MCF2: variants seen among roughly 807,000 people sequenced by gnomAD.
The protein encoded by MCF2 is proto-oncogene DBL.
Under a neutral mutation model 82.5 loss-of-function variants are expected in MCF2, and 44 were observed. The ratio of observed to expected loss-of-function variants is 0.53; its 90% CI spans 0.42 to 0.69. The LOEUF is 0.69. Ranked by LOEUF, MCF2 falls within the 30% of genes least tolerant of loss-of-function variation. The pLI is 0.00. For synonymous variants in MCF2, 217 were observed against 224.9 expected (o/e 0.96, Z 0.32); for missense variants, 623 against 663.1 (o/e 0.94, Z 0.66).
intron 1 of MCF2, among the ~76,000 whole-genome samples, chrX:139,661,032 G>C (rs1355006753): frequency 8.9e-6 from 1 of 111,881 alleles, no homozygotes; most frequent in African/African-American, 3.2e-5. Flanking sequence ...ATGGAGAGAG[G>C]AGAAATGATT....
intron 1 of MCF2, among the ~76,000 whole-genome samples, chrX:139,657,563 T>C (rs1427310930): frequency 8.9e-6 from 1 of 112,516 alleles, no homozygotes; most frequent in African/African-American, 3.2e-5. Flanking sequence ...TGCCAGATTC[T>C]GCTCTAAGCT....
chrX:139,693,107 G>A lies in MCF2; in HGVS notation c.-45+14999C>T, dbSNP rs775373518. 8.1e-5 allele frequency among the ~76,000 whole-genome samples: 9 copies of A among 111,570 alleles called. No individual in the cohort carries two copies. In the East Asian group the frequency reaches 2.6e-3, roughly 32 times the overall value. On this transcript the variant is annotated intron_variant, in intron 1 of 27. Transcript: ENST00000414978. ...CCAAAGCACTCAGGGACTGGGCCGA[G>A]GGAAGATGGAGCTCCGCAGTGCCTG... is the stretch of plus-strand genomic sequence containing the variant.
At chrX:139,619,856 A>G in intron 6 of MCF2, 150 bp from the exon 10 acceptor site, 1 of 412,847 alleles carries the variant, frequency 2.4e-6, no homozygotes, top group Non-Finnish European at 4.1e-6. Flanking sequence ...AATAGCTATA[A>G]TCTGTTAAAA....
intron 12 of MCF2, among the ~76,000 whole-genome samples, chrX:139,606,046 TC>T (rs1930983753): frequency 9.5e-6 from 1 of 104,990 alleles, no homozygotes; most frequent in African/African-American, 3.4e-5. Context: ...CCGCTTTCTT[TC>T]ATATATATAC....
At chrX:139,692,527 G>A (rs1404418506) in intron 1 of MCF2, among the ~76,000 whole-genome samples, 1 of 112,197 alleles carries the variant, frequency 8.9e-6, no homozygotes, top group Non-Finnish European at 1.9e-5. Context: ...GGCTGTGGAG[G>A]AGGGACGCAA....
Position 139,633,449 on chromosome X carries a change from T to C in MCF2, c.52-995A>G, listed in dbSNP as rs141370329. Among the ~76,000 whole-genome samples the C allele has an allele frequency of 8.9e-3, 993 of 111,609 alleles. 8 individuals are homozygous for C. The highest frequency in any genetic ancestry group is 0.03 in the African/African-American group (917 of 30,737). Reference sequence around the variant, plus strand: ...GAGTTAGGTTACTCACTTTTACAAATAAAGAAAGTGAGACTCAGAGAGTTT... The same window carrying C: ...GAGTTAGGTTACTCACTTTTACAAACAAAGAAAGTGAGACTCAGAGAGTTT... On this transcript the variant is annotated intron_variant, in intron 1 of 24. Coordinates refer to ENST00000370576, the Ensembl canonical transcript of MCF2.
chrX:139,604,952 C>T (rs1930864504), exon 14 of MCF2: 1 of 1,192,416 alleles, frequency 8.4e-7, no homozygotes. Context: ...TAAGATCAAA[C>T]ATCTCTGGAT....
chrX:139,669,874 A>G (rs563303444), intron 1 of MCF2, among the ~76,000 whole-genome samples: 7 of 112,000 alleles, frequency 6.3e-5, no homozygotes, highest in African/African-American at 2.3e-4. Context: ...AATAGATTAG[A>G]GATTGCCTAG....
chrX:139,652,049 G>A (rs1934039509), intron 1 of MCF2, among the ~76,000 whole-genome samples: 1 of 111,654 alleles, frequency 9.0e-6, no homozygotes, highest in Non-Finnish European at 1.9e-5. Context: ...TCACCAGAAA[G>A]CCAAGGACAA....
At chrX:139,623,834 G>C (rs969026309) in intron 6 of MCF2, among the ~76,000 whole-genome samples, 3 of 112,336 alleles carry the variant, frequency 2.7e-5, no homozygotes, top group African/African-American at 9.7e-5. Context: ...AGAATGCCTA[G>C]TGTGGACTGA....
At chrX:139,649,641 T>C (rs1398295894) in intron 2 of MCF2, among the ~76,000 whole-genome samples, 4 of 48,487 alleles carry the variant, frequency 8.2e-5, no homozygotes, top group African/African-American at 4.0e-4. Context: ...GTCCTACGAG[T>C]AAACTTTATG....
intron 11 of MCF2, 86 bp from the exon 16 acceptor site, chrX:139,607,865 C>T: frequency 3.5e-6 from 2 of 577,837 alleles, no homozygotes; most frequent in Non-Finnish European, 5.7e-6. Context: ...TAAGTTTATT[C>T]TAGGTCCTAA....
intron 1 of MCF2, among the ~76,000 whole-genome samples, chrX:139,694,740 G>T (rs1280890930): frequency 9.0e-6 from 1 of 110,977 alleles, no homozygotes; most frequent in Non-Finnish European, 1.9e-5. Context: ...CAAATTGGAA[G>T]CAACCCACAT....
At chrX:139,692,137 C>T in intron 1 of MCF2, 1 of 1,146,437 alleles carries the variant, frequency 8.7e-7, no homozygotes, top group African/African-American at 1.8e-5. Flanking sequence ...TGCCTGGCCG[C>T]CCGCCTTGGC....
At chrX:139,667,611 G>A (rs1934562636) in intron 1 of MCF2, among the ~76,000 whole-genome samples, 1 of 112,036 alleles carries the variant, frequency 8.9e-6, no homozygotes, top group Non-Finnish European at 1.9e-5. Flanking sequence ...TATGTGCTCT[G>A]TCTCAGGGGG....
At chrX:139,618,466 C>T (rs185115307) in intron 7 of MCF2, among the ~76,000 whole-genome samples, 38 of 110,698 alleles carry the variant, frequency 3.4e-4, no homozygotes, top group South Asian at 2.3e-3. Context: ...ATGATTAAGA[C>T]GGTAAATTTC....
chrX:139,618,640 A>G (rs1289719224), intron 7 of MCF2, among the ~76,000 whole-genome samples: 2 of 111,504 alleles, frequency 1.8e-5, no homozygotes, highest in Admixed American at 9.6e-5. Context: ...TTCCAGAACT[A>G]GTTATCATAA....
intron 1 of MCF2, among the ~76,000 whole-genome samples, chrX:139,638,585 C>T (rs1250465353): frequency 1.8e-5 from 2 of 111,400 alleles, no homozygotes; most frequent in Non-Finnish European, 3.8e-5. Context: ...GCAAGGTGGG[C>T]CCAGCATTGC....
At position 139,703,704 on chromosome X, in the gene MCF2, C is replaced by T. The variant is rs750973181; in HGVS notation, c.-45+4402G>A. On this transcript the variant is annotated intron_variant, in intron 1 of 27. Coordinates refer to the MCF2 transcript ENST00000414978. The stretch of plus-strand genomic sequence containing the variant: ...GAGCCAAGATTGTGCCATTGCACTC[C>T]AGCCTGAGTGACAGAGCGAGACTCT... 5.4e-5 allele frequency among the ~76,000 whole-genome samples: 6 copies of T among 111,389 alleles called. No individual in the cohort carries two copies. The East Asian group carries it at 1.7e-3, about 32-fold the overall frequency.
Sources: gnomAD v4.1 joint callset for allele counts (sites outside exome capture counted in the v4.1 genomes callset) on GRCh38, gnomAD v4.1.1 for gene constraint, MANE v1.5 for transcripts, NCBI Gene and HGNC (gene_info 2026-07-23, HGNC 2026-07-21) for gene names.